Variants in ABLIM1 observed in about 807,000 individuals in gnomAD.
ABLIM1 encodes actin-binding LIM protein 1.
ABLIM1 carries 40 observed loss-of-function variants against 107.0 expected under a neutral mutation model. The observed-to-expected ratio is 0.37, with a 90% CI of 0.29 to 0.49. The LOEUF is 0.49. Among genes scored for constraint, ABLIM1 ranks in the 20% least tolerant of loss-of-function variants. The pLI is 0.97. For missense variants in ABLIM1, 857 were observed against 1,008.5 expected (o/e 0.85, Z 2.04); for synonymous variants, 357 against 357.3 (o/e 1.00, Z 0.01).
intron 6 of ABLIM1, among the ~76,000 whole-genome samples, chr10:114,536,227 GTTTTTTTTTTTTTTTTTTTT>G (rs536435789): frequency 1.3e-3 from 74 of 56,256 alleles, no homozygotes; most frequent in Non-Finnish European, 1.9e-3. Context: ...TTCTTTCTTT[GTTTTTTTTTTTTTTTTTTTT>G]TTTTTTTTTT....
intron 1 of ABLIM1, among the ~76,000 whole-genome samples, chr10:114,736,943 C>T (rs552637240): frequency 1.3e-5 from 2 of 152,238 alleles, no homozygotes; most frequent in Non-Finnish European, 2.9e-5. Flanking sequence ...AATCTCAGCT[C>T]TTTGGAAGGC....
intron 1 of ABLIM1, among the ~76,000 whole-genome samples, chr10:114,648,340 T>G (rs2079092965): frequency 6.6e-6 from 1 of 152,230 alleles, no homozygotes; most frequent in Non-Finnish European, 1.5e-5. Context: ...GGGATACTAT[T>G]CAGCCATAAG....
chr10:114,730,473 A>G (rs1377410769), intron 1 of ABLIM1, among the ~76,000 whole-genome samples: 2 of 151,976 alleles, frequency 1.3e-5, no homozygotes, highest in Non-Finnish European at 2.9e-5. Context: ...ACCAAGAGAA[A>G]TCTGGAGCCA....
In ABLIM1 at chr10:114,441,678, G is replaced by A. The variant is rs760155383; in HGVS notation, c.1998+44C>T. The A allele has an allele frequency of 4.7e-5, 74 of 1,558,210 alleles. No individual in the cohort carries two copies. In the South Asian group the frequency reaches 7.8e-4, roughly 16 times the overall value. ...GTGTCAATACTTCAACCAGGGCCGA[G>A]GTGGGAGTAAAGGCAGAAACAATGA... is the stretch of plus-strand genomic sequence containing the variant. On this transcript the variant is annotated intron_variant, in intron 18 of 22. Coordinates refer to ENST00000533213, the MANE Select transcript of ABLIM1 (RefSeq NM_002313.7).
intron 1 of ABLIM1, among the ~76,000 whole-genome samples, chr10:114,666,334 A>G (rs1215183264): frequency 2.0e-5 from 3 of 152,192 alleles, no homozygotes; most frequent in Non-Finnish European, 4.4e-5. Context: ...TTATTTACCA[A>G]TAAATAATAT....
intron 3 of ABLIM1, 77 bp from the exon 4 acceptor site, chr10:114,571,483 C>T: frequency 1.5e-6 from 2 of 1,361,464 alleles, no homozygotes; most frequent in South Asian, 2.4e-5. Flanking sequence ...TGCTTGCTGC[C>T]CTCCGGTGCC....
At chr10:114,572,412 T>C (rs2071827120) in intron 3 of ABLIM1, among the ~76,000 whole-genome samples, 1 of 152,210 alleles carries the variant, frequency 6.6e-6, no homozygotes, top group Non-Finnish European at 1.5e-5. Context: ...TTAACTGTAA[T>C]AAACAACATA....
At chr10:114,714,390 A>G (rs904073283) in intron 1 of ABLIM1, among the ~76,000 whole-genome samples, 4 of 152,198 alleles carry the variant, frequency 2.6e-5, no homozygotes, top group Non-Finnish European at 5.9e-5. Context: ...CTCCTGGGTC[A>G]CCAGCCAAAC....
Position 114,617,864 on chromosome 10 carries a change from C to G in ABLIM1, c.245-15903G>C, listed in dbSNP as rs781403777. Among the ~76,000 whole-genome samples, 127 of 152,022 alleles carry G rather than the reference C, an allele frequency of 8.4e-4. 4 individuals carry two copies. Among genetic ancestry groups the G allele is most frequent in the Non-Finnish European group, 1.9e-4 (13 of 68,028 alleles). On this transcript the variant is annotated intron_variant, in intron 1 of 22. Coordinates refer to ENST00000533213, the MANE Select transcript of ABLIM1 (RefSeq NM_002313.7). ...GGGCGGTGGCTCACATGTGTAATCC[C>G]AGCTTTTGGGAGTACAAGGCAGTAG... is the stretch of plus-strand genomic sequence containing the variant.
chr10:114,758,543 T>C (rs1001134843), intron 1 of ABLIM1, among the ~76,000 whole-genome samples: 1 of 152,196 alleles, frequency 6.6e-6, no homozygotes. Flanking sequence ...TTTTGACTTT[T>C]AAAAATTATG....
At chr10:114,590,361 A>T (rs2074720292) in intron 2 of ABLIM1, among the ~76,000 whole-genome samples, 1 of 152,154 alleles carries the variant, frequency 6.6e-6, no homozygotes. Flanking sequence ...GTGAGACTGG[A>T]GGTGAGAGGT....
intron 6 of ABLIM1, among the ~76,000 whole-genome samples, chr10:114,536,246 T>C (rs1484848665): frequency 0.087 from 6,741 of 77,840 alleles, 561 homozygotes; most frequent in African/African-American, 0.19. Context: ...TTTTTTTTTT[T>C]TTTTTTTTTT....
At chr10:114,634,123 A>ATTTTTTTTTTTTTTTTTTTTTTTT (rs1209219359) in intron 1 of ABLIM1, among the ~76,000 whole-genome samples, 1 of 68,220 alleles carries the variant, frequency 1.5e-5, no homozygotes, top group Non-Finnish European at 3.1e-5. Flanking sequence ...CATTAGCTCA[A>ATTTTTTTTTTTTTTTTTTTTTTTT]TTTTTCTTTT....
upstream of ABLIM1, among the ~76,000 whole-genome samples, chr10:114,689,646 GC>G (rs1331582757): frequency 1.1e-4 from 17 of 152,064 alleles, no homozygotes; most frequent in Admixed American, 1.1e-3. Context: ...ATAGGTATGA[GC>G]CACCGCACCT....
intron 2 of ABLIM1, among the ~76,000 whole-genome samples, chr10:114,576,189 T>C (rs1339252877): frequency 3.3e-5 from 5 of 152,224 alleles, no homozygotes; most frequent in Non-Finnish European, 7.3e-5. Context: ...AGGAAAGACC[T>C]GTTATTTGGA....
At chr10:114,643,938 T>C (rs2078863220) in intron 1 of ABLIM1, among the ~76,000 whole-genome samples, 1 of 151,908 alleles carries the variant, frequency 6.6e-6, no homozygotes, top group Non-Finnish European at 1.5e-5. Context: ...TTAAGATTTC[T>C]ACAGCATGTT....
intron 1 of ABLIM1, chr10:114,684,243 G>C (rs1346751781): frequency 6.4e-7 from 1 of 1,564,432 alleles, no homozygotes; most frequent in Admixed American, 1.8e-5. Context: ...AGACACGGTC[G>C]ACCCCAGACA....
Position 114,433,193 on chromosome 10 carries a change from A to T in ABLIM1, c.*3067T>A, listed in dbSNP as rs577960006. On this transcript the variant is annotated 3_prime_UTR_variant, in exon 23 of 23. Transcript: ENST00000533213. ...AGGGTGAACAAGCTCCACCAGTTTG[A>T]GTGTGTTAATAACTGGAATTTTCAT... is the stretch of plus-strand genomic sequence containing the variant. 6 of 152,296 alleles carry T rather than the reference A, an allele frequency of 3.9e-5. No homozygotes were observed. In the East Asian group the frequency reaches 9.6e-4, roughly 24 times the overall value. 9.4% of individuals were successfully genotyped at this position (152,296 alleles called of 1,614,324 possible). A position where few individuals can be genotyped will look rare whatever the true frequency, so the allele number is the denominator to read the frequency against.
chr10:114,519,559 A>G (rs2063417905), intron 6 of ABLIM1, among the ~76,000 whole-genome samples: 1 of 152,218 alleles, frequency 6.6e-6, no homozygotes, highest in Non-Finnish European at 1.5e-5. Context: ...ACAGACAGTT[A>G]AATTGCAAAC....
Sources: allele counts gnomAD v4.1 joint callset (sites outside exome capture counted in the v4.1 genomes callset), GRCh38; gene constraint gnomAD v4.1.1; transcripts MANE v1.5; gene names NCBI Gene and HGNC (gene_info 2026-07-23, HGNC 2026-07-21).